Variants in PID1 observed in about 807,000 individuals in gnomAD.
PID1 encodes phosphotyrosine interaction domain containing 1.
A neutral mutation model predicts 19.1 loss-of-function variants in PID1; 10 were observed. The ratio of observed to expected loss-of-function variants is 0.52; its 90% CI spans 0.32 to 0.89. The LOEUF (loss-of-function observed/expected upper bound fraction) is 0.89, where lower values mean the gene tolerates loss of function less well. PID1 is among the 40% of genes least tolerant of loss of function. The pLI is 0.03. For missense variants in PID1, 248 were observed against 285.3 expected (o/e 0.87, Z 0.94); for synonymous variants, 130 against 116.0 (o/e 1.12, Z -0.78).
At chr2:229,142,249 T>C (rs923818637) in intron 2 of PID1, among the ~76,000 whole-genome samples, 2 of 152,122 alleles carry the variant, frequency 1.3e-5, no homozygotes, top group Non-Finnish European at 2.9e-5. Flanking sequence ...GAAAGTAACT[T>C]AAGTGTCACT....
At chr2:229,090,798 C>A (rs1185726359) in intron 2 of PID1, among the ~76,000 whole-genome samples, 1 of 152,166 alleles carries the variant, frequency 6.6e-6, no homozygotes, top group Non-Finnish European at 1.5e-5. Flanking sequence ...ATGATTCACA[C>A]ATATAATTAT....
chr2:229,143,087 A>G (rs1176997979), intron 2 of PID1, among the ~76,000 whole-genome samples: 252 of 136,476 alleles, frequency 1.8e-3, no homozygotes, highest in Middle Eastern at 3.7e-3. Flanking sequence ...TCAGTAAACT[A>G]TCACAAGAAC....
chr2:229,249,886 GAAACAACATTAGCAA>G (rs1183251794), intron 1 of PID1, among the ~76,000 whole-genome samples: 1 of 152,138 alleles, frequency 6.6e-6, no homozygotes, highest in African/African-American at 2.4e-5. Flanking sequence ...TCAAAGTTAC[GAAACAACATTAGCAA>G]AAGCATCAAA....
chr2:229,266,433 C>T (rs1485256052), intron 1 of PID1, among the ~76,000 whole-genome samples: 1 of 147,590 alleles, frequency 6.8e-6, no homozygotes, highest in East Asian at 1.9e-4. Flanking sequence ...TTATGTGCCA[C>T]CAAAGATTTG....
At chr2:229,103,352 G>A (rs778844555) in intron 2 of PID1, among the ~76,000 whole-genome samples, 2 of 152,158 alleles carry the variant, frequency 1.3e-5, no homozygotes, top group African/African-American at 2.4e-5. Flanking sequence ...ACCAGATGCT[G>A]AGGATCCAGG....
intron 1 of PID1, among the ~76,000 whole-genome samples, chr2:229,196,444 A>C (rs992327614): frequency 6.6e-6 from 1 of 152,112 alleles, no homozygotes; most frequent in Non-Finnish European, 1.5e-5. Context: ...ATACTTTCCA[A>C]ATCAATGGAG....
intron 2 of PID1, among the ~76,000 whole-genome samples, chr2:229,032,758 C>T (rs900404327): frequency 6.6e-6 from 1 of 152,138 alleles, no homozygotes; most frequent in African/African-American, 2.4e-5. Context: ...GAACACTTTC[C>T]CCATGTGTCA....
chr2:229,121,407 G>A (rs1310096584), intron 2 of PID1, among the ~76,000 whole-genome samples: 1 of 152,160 alleles, frequency 6.6e-6, no homozygotes, highest in African/African-American at 2.4e-5. Context: ...CTGACAATGG[G>A]AACCATGTGC....
chr2:229,078,405 T>C (rs1465319408), intron 2 of PID1, among the ~76,000 whole-genome samples: 11 of 152,222 alleles, frequency 7.2e-5, no homozygotes, highest in Non-Finnish European at 1.3e-4. Context: ...TCTTACCTGA[T>C]TGCCCTGGTC....
At chr2:229,166,949 C>A (rs1339090766) in intron 1 of PID1, among the ~76,000 whole-genome samples, 2 of 127,094 alleles carry the variant, frequency 1.6e-5, no homozygotes, top group African/African-American at 3.0e-5. Context: ...ATGAACAGTA[C>A]TGAAAAGAAA....
intron 2 of PID1, among the ~76,000 whole-genome samples, chr2:229,068,250 G>C (rs1414029628): frequency 6.6e-6 from 1 of 152,162 alleles, no homozygotes; most frequent in Non-Finnish European, 1.5e-5. Context: ...GTGTGGCTCA[G>C]GGTGGCCTGG....
chr2:229,055,010 C>T (rs186596689), intron 2 of PID1, among the ~76,000 whole-genome samples: 116 of 152,152 alleles, frequency 7.6e-4, no homozygotes, highest in Admixed American at 3.3e-3. Context: ...GGTCAGCATC[C>T]GTGCAAATGA....
chr2:229,079,533 A>G (rs568842729), intron 2 of PID1, among the ~76,000 whole-genome samples: 203 of 152,232 alleles, frequency 1.3e-3, no homozygotes, highest in Admixed American at 4.1e-3. Context: ...TGGTTTCTAC[A>G]ATTTGTTTCC....
rs577793352 is a variant in PID1, at chr2:229,046,397, T to A, written c.178-20289A>T. Among the ~76,000 whole-genome samples, 334 of 114,836 alleles carry A rather than the reference T, an allele frequency of 2.9e-3. 3 individuals carry two copies. Among genetic ancestry groups the A allele is most frequent in the African/African-American group, 0.013 (315 of 24,416 alleles). The allele number at this position is 114,836 out of a possible 152,430, so 75.3% of individuals were successfully genotyped here. A position where few individuals can be genotyped will look rare whatever the true frequency, so the allele number is the denominator to read the frequency against. ...GTGTGTGTGCGTGTGTGTGTGTGTG[T>A]GAGTCAGGAGGGGGGGAACCAAAAA... On this transcript the variant is annotated intron_variant, in intron 2 of 2. Transcript: ENST00000392055.
At chr2:229,213,109 C>G (rs1691773979) in intron 1 of PID1, among the ~76,000 whole-genome samples, 1 of 152,156 alleles carries the variant, frequency 6.6e-6, no homozygotes, top group Non-Finnish European at 1.5e-5. Context: ...CAGGTCAGGC[C>G]TGGACTTCAA....
intron 2 of PID1, among the ~76,000 whole-genome samples, chr2:229,038,671 T>C (rs1163722567): frequency 6.6e-6 from 1 of 152,170 alleles, no homozygotes; most frequent in Admixed American, 6.6e-5. Flanking sequence ...AGAAAATAAT[T>C]TTTGAAAATT....
intron 2 of PID1, among the ~76,000 whole-genome samples, chr2:229,086,655 T>C (rs1694773389): frequency 6.6e-6 from 1 of 152,176 alleles, no homozygotes; most frequent in South Asian, 2.1e-4. Context: ...AAAACTTAAC[T>C]GAAGGCTTGA....
At chr2:229,234,550 A>G (rs1692283847) in intron 1 of PID1, among the ~76,000 whole-genome samples, 1 of 152,224 alleles carries the variant, frequency 6.6e-6, no homozygotes, top group African/African-American at 2.4e-5. Context: ...TCAGCCCAGT[A>G]AGATCCATTT....
intron 2 of PID1, among the ~76,000 whole-genome samples, chr2:229,063,817 T>C (rs1694265239): frequency 6.6e-6 from 1 of 152,108 alleles, no homozygotes; most frequent in South Asian, 2.1e-4. Flanking sequence ...TGATGTTAGG[T>C]GCATATATAT....
Sources: gnomAD v4.1 joint callset for allele counts (sites outside exome capture counted in the v4.1 genomes callset) on GRCh38, gnomAD v4.1.1 for gene constraint, MANE v1.5 for transcripts, NCBI Gene and HGNC (gene_info 2026-07-23, HGNC 2026-07-21) for gene names.